Variants in WASHC3 observed in about 807,000 individuals in gnomAD.
The protein encoded by WASHC3 is WASH complex subunit 3, also known as WASH complex subunit CCDC53.
A neutral mutation model predicts 26.1 loss-of-function variants in WASHC3; 24 were observed. The observed-to-expected ratio is 0.92, with a 90% CI of 0.66 to 1.29. The LOEUF is 1.29. WASHC3 is among the 50% of genes most tolerant of loss of function. WASHC3 has a pLI of 0.00. For synonymous variants in WASHC3, 77 were observed against 75.7 expected (o/e 1.02, Z -0.09); for missense variants, 214 against 229.6 (o/e 0.93, Z 0.44).
intron 5 of WASHC3, among the ~76,000 whole-genome samples, chr12:102,038,589 G>A (rs1467076380): frequency 1.3e-5 from 2 of 152,012 alleles, no homozygotes; most frequent in African/African-American, 4.8e-5. Context: ...AGGCTTTCCT[G>A]GGTTCTAGCT....
At chr12:102,053,931 G>A (rs1012334891) in intron 2 of WASHC3, among the ~76,000 whole-genome samples, 4 of 152,158 alleles carry the variant, frequency 2.6e-5, no homozygotes, top group South Asian at 2.1e-4. Flanking sequence ...AAAGATATAC[G>A]TTGCAAAATC....
chr12:102,014,029 G>C (rs1465223662), intron 6 of WASHC3, among the ~76,000 whole-genome samples: 1 of 148,670 alleles, frequency 6.7e-6, no homozygotes, highest in Non-Finnish European at 1.5e-5. Context: ...AAGTATTTTT[G>C]GGGGGGAAAC....
intron 5 of WASHC3, among the ~76,000 whole-genome samples, chr12:102,033,910 G>T (rs563145618): frequency 2.0e-5 from 3 of 152,160 alleles, no homozygotes; most frequent in African/African-American, 7.2e-5. Context: ...CTCATTTAAA[G>T]AATTATGTTG....
intron 2 of WASHC3, among the ~76,000 whole-genome samples, chr12:102,047,707 T>C (rs1878220573): frequency 2.0e-5 from 3 of 152,190 alleles, no homozygotes; most frequent in Admixed American, 6.5e-5. Context: ...AATGGACATA[T>C]TGGTTTGATT....
rs1010620566 is a variant in WASHC3 at position 102,045,314 on chromosome 12, C to T, written c.216+740G>A. 2.6e-5 allele frequency among the ~76,000 whole-genome samples: 4 copies of T among 152,016 alleles called. No individual in the cohort carries two copies. In the East Asian group the frequency reaches 5.8e-4, roughly 22 times the overall value. ...ACAGTTGCTGAAGTCCATAAAGAGACGTAGAAAGTACAAACTAGACATTCT... is the reference window on the plus strand; with the variant it reads ...ACAGTTGCTGAAGTCCATAAAGAGATGTAGAAAGTACAAACTAGACATTCT... On this transcript the variant is annotated intron_variant, in intron 3 of 6. Coordinates refer to ENST00000240079, the MANE Select transcript of WASHC3 (RefSeq NM_016053.4).
chr12:102,046,432 C>T (rs1311174296), intron 2 of WASHC3, among the ~76,000 whole-genome samples: 2 of 152,002 alleles, frequency 1.3e-5, no homozygotes, highest in African/African-American at 4.8e-5. Context: ...AGTGCTGGGA[C>T]TACAGGCACG....
At chr12:102,017,788 T>G (rs1174493535) in intron 6 of WASHC3, 1 of 437,806 alleles carries the variant, frequency 2.3e-6, no homozygotes, top group African/African-American at 2.1e-5. Context: ...TCTTCATTTT[T>G]TTCTTTTTTT....
At position 102,046,250 on chromosome 12, in the gene WASHC3, C is replaced by T. The variant is rs1878158484; in HGVS notation, c.151-131G>A. ...TTCTAATACAGTACTGTCTTATTTA[C>T]ATGAGTAGGAATGAGAACTCTTCTA... On this transcript the variant is annotated intron_variant, in intron 2 of 6. Coordinates refer to ENST00000240079, the MANE Select transcript of WASHC3 (RefSeq NM_016053.4). The T allele has an allele frequency of 1.1e-5, 6 of 552,032 alleles. No individual in the cohort carries two copies. The South Asian group carries it at 1.4e-4, about 13-fold the overall frequency. The allele number at this position is 552,032 out of a possible 1,614,324, so 34.2% of individuals were successfully genotyped here. A position where few individuals can be genotyped will look rare whatever the true frequency, so the allele number is the denominator to read the frequency against.
chr12:102,024,441 G>A (rs1174338010), intron 6 of WASHC3, among the ~76,000 whole-genome samples: 1 of 152,208 alleles, frequency 6.6e-6, no homozygotes, highest in African/African-American at 2.4e-5. Context: ...AGATGTGAGA[G>A]ATATTAAAAA....
At chr12:102,047,820 T>C (rs1594367226) in intron 2 of WASHC3, among the ~76,000 whole-genome samples, 1 of 152,224 alleles carries the variant, frequency 6.6e-6, no homozygotes, top group East Asian at 1.9e-4. Flanking sequence ...ACTGTAAATA[T>C]CTGAGTATTT....
chr12:102,014,451 TTAAAAA>T (rs1876614262), intron 6 of WASHC3, among the ~76,000 whole-genome samples: 1 of 152,122 alleles, frequency 6.6e-6, no homozygotes, highest in African/African-American at 2.4e-5. Context: ...TTTAGGACAC[TTAAAAA>T]TAAAACTCAT....
At chr12:102,016,472 T>A (rs1876707513) in intron 6 of WASHC3, among the ~76,000 whole-genome samples, 1 of 152,216 alleles carries the variant, frequency 6.6e-6, no homozygotes, top group African/African-American at 2.4e-5. Flanking sequence ...CCTAAAGTGT[T>A]GGGATTACAG....
At position 102,037,265 on chromosome 12, in the gene WASHC3, A is replaced by G. The variant is rs150796990; in HGVS notation, c.435+2603T>C. ...CAAGGTATTATTGCAGGAATGAGGAATACTGTAGTACACAAAAAAATCCCC... is the reference window on the plus strand; with the variant it reads ...CAAGGTATTATTGCAGGAATGAGGAGTACTGTAGTACACAAAAAAATCCCC... On this transcript the variant is annotated intron_variant, in intron 5 of 6. Coordinates refer to ENST00000240079, the MANE Select transcript of WASHC3 (RefSeq NM_016053.4). Among the ~76,000 whole-genome samples, 95 of 152,360 alleles carry G rather than the reference A, an allele frequency of 6.2e-4. 1 individual carries two copies. Among genetic ancestry groups the G allele is most frequent in the African/African-American group, 2.2e-3 (92 of 41,580 alleles).
rs184790382 is a variant in WASHC3 at position 102,045,817 on chromosome 12, T to C, written c.216+237A>G. 5.5e-4 allele frequency among the ~76,000 whole-genome samples: 84 copies of C among 152,392 alleles called. No homozygotes were observed. The East Asian group carries it at 0.015, about 27-fold the overall frequency. The stretch of plus-strand genomic sequence containing the variant: ...GCTTGTTAACATGTTACTCGCATTA[T>C]GCGTTTGCCTAGCACAATGAAAGAA... On this transcript the variant is annotated intron_variant, in intron 3 of 6. Transcript: ENST00000240079.
At chr12:102,054,388 T>C (rs893725161) in intron 2 of WASHC3, among the ~76,000 whole-genome samples, 1 of 152,132 alleles carries the variant, frequency 6.6e-6, no homozygotes, top group African/African-American at 2.4e-5. Context: ...AGTGAAAGAA[T>C]GGAAAAGAGC....
chr12:102,025,702 CA>C (rs964234240), intron 6 of WASHC3, among the ~76,000 whole-genome samples: 6 of 129,688 alleles, frequency 4.6e-5, no homozygotes, highest in African/African-American at 1.4e-4. Flanking sequence ...AAAAAAAAAG[CA>C]AAAAAAATTG....
At chr12:102,017,162 T>C (rs566890997) in intron 6 of WASHC3, among the ~76,000 whole-genome samples, 1 of 152,342 alleles carries the variant, frequency 6.6e-6, no homozygotes, top group South Asian at 2.1e-4. Context: ...CACAAATACT[T>C]GTCATTGTGT....
chr12:102,056,992 G>C (rs1326974351), intron 2 of WASHC3, among the ~76,000 whole-genome samples: 1 of 152,066 alleles, frequency 6.6e-6, no homozygotes, highest in Non-Finnish European at 1.5e-5. Context: ...AATATCCCCA[G>C]TGAACATAGA....
intron 2 of WASHC3, among the ~76,000 whole-genome samples, chr12:102,055,794 G>A (rs563791255): frequency 1.3e-5 from 2 of 152,316 alleles, no homozygotes; most frequent in East Asian, 3.9e-4. Context: ...GTTTAGATGA[G>A]AATTTTTTGT....
Sources: allele counts gnomAD v4.1 joint callset (sites outside exome capture counted in the v4.1 genomes callset), GRCh38; gene constraint gnomAD v4.1.1; transcripts MANE v1.5; gene names NCBI Gene and HGNC (gene_info 2026-07-23, HGNC 2026-07-21).